Variants in POLR3E observed in about 807,000 individuals in gnomAD.
POLR3E encodes RNA polymerase III subunit E.
POLR3E carries 41 observed loss-of-function variants against 96.6 expected under a neutral mutation model. The ratio of observed to expected loss-of-function variants is 0.42; its 90% CI spans 0.33 to 0.55. POLR3E has a LOEUF of 0.55. Among genes scored for constraint, POLR3E ranks in the 20% least tolerant of loss-of-function variants. POLR3E has a pLI of 0.06. For synonymous variants in POLR3E, 396 were observed against 383.6 expected (o/e 1.03, Z -0.38); for missense variants, 849 against 952.1 (o/e 0.89, Z 1.43).
In POLR3E at chr16:22,308,144, C is replaced by A; in HGVS notation, c.88-4C>A. 1 of 1,612,090 alleles carries A rather than the reference C, an allele frequency of 6.2e-7. No homozygotes were observed. Among genetic ancestry groups the A allele is most frequent in the African/African-American group, 1.3e-5 (1 of 74,946 alleles). The stretch of plus-strand genomic sequence containing the variant: ...GGACTTAATGGCTCCCTTCCCCTCC[C>A]CAGTACCCTGTGCGTCCAGCCTCGA... On this transcript the variant is annotated splice_region_variant and splice_polypyrimidine_tract_variant and intron_variant, in intron 3 of 20. Coordinates refer to ENST00000299853, the MANE Select transcript of POLR3E (RefSeq NM_018119.4).
At chr16:22,315,659 T>A (rs2048339684) in intron 9 of POLR3E, among the ~76,000 whole-genome samples, 1 of 151,788 alleles carries the variant, frequency 6.6e-6, no homozygotes, top group South Asian at 2.1e-4. Flanking sequence ...TATTTACTTT[T>A]ATTTTTATTT....
intron 17 of POLR3E, 126 bp downstream of exon 17, chr16:22,325,392 C>A: frequency 1.3e-6 from 1 of 795,386 alleles, no homozygotes; most frequent in Non-Finnish European, 2.2e-6. Context: ...TCACCCTTCA[C>A]CCTCCTTCCT....
chr16:22,330,782 C>CTTT (rs2048720563), intron 19 of POLR3E, among the ~76,000 whole-genome samples: 1 of 151,860 alleles, frequency 6.6e-6, no homozygotes, highest in South Asian at 2.1e-4. Flanking sequence ...AAGGATACTT[C>CTTT]ATGTAGCAGT....
At chr16:22,308,597 TCTG>T (rs2048181664) in intron 4 of POLR3E, 1 of 437,880 alleles carries the variant, frequency 2.3e-6, no homozygotes, top group Non-Finnish European at 4.1e-6. Context: ...TATTGCCAGT[TCTG>T]CTGGCTTTTC....
In POLR3E at chr16:22,325,881, C is replaced by T. The variant is rs748039763; in HGVS notation, c.1469C>T (p.Ala490Val). 8.1e-6 allele frequency: 13 copies of T among 1,609,206 alleles called. No homozygotes were observed. The highest frequency in any genetic ancestry group is 5.5e-5 in the South Asian group (5 of 90,538). Residue 490 changes from alanine (A) to valine (V), a missense_variant, in exon 18 of 21, where the codon GCG becomes GTG. Coordinates refer to ENST00000299853, the MANE Select transcript of POLR3E (RefSeq NM_018119.4). The part of the protein sequence containing the change: ...QRRKEQLRVP[A>V]VPPGVRIKEE... ...CGGAAGGAGCAGCTGCGGGTGCCTG[C>T]GGTCCCGCCCGGTGTGCGGATCAAG...
chr16:22,308,026 T>C, intron 3 of POLR3E, 122 bp from the exon 4 acceptor site: 1 of 696,468 alleles, frequency 1.4e-6, no homozygotes, highest in South Asian at 1.6e-5. Flanking sequence ...TGTACCCTTG[T>C]GGTAGGGTAA....
intron 1 of POLR3E, among the ~76,000 whole-genome samples, chr16:22,299,496 C>G (rs1483518772): frequency 1.3e-5 from 2 of 150,440 alleles, no homozygotes; most frequent in African/African-American, 4.9e-5. Context: ...TCACTGCAAC[C>G]TCTGCCTTCT....
intron 19 of POLR3E, among the ~76,000 whole-genome samples, chr16:22,330,554 A>T (rs957498228): frequency 6.6e-6 from 1 of 152,064 alleles, no homozygotes; most frequent in African/African-American, 2.4e-5. Context: ...ACCGAGGGTG[A>T]TACTTTGCTT....
chr16:22,309,105 T>A, intron 5 of POLR3E, 65 bp downstream of exon 5: 1 of 1,146,024 alleles, frequency 8.7e-7, no homozygotes, highest in Non-Finnish European at 1.3e-6. Context: ...CAAAAGACCT[T>A]AAAGACATTG....
chr16:22,321,000 A>AT (rs1242047606), intron 13 of POLR3E, among the ~76,000 whole-genome samples: 2 of 151,930 alleles, frequency 1.3e-5, no homozygotes, highest in Non-Finnish European at 1.5e-5. Context: ...TTAAGTGTGA[A>AT]TTTTTTACAT....
intron 13 of POLR3E, among the ~76,000 whole-genome samples, chr16:22,321,062 G>A (rs1363715184): frequency 1.3e-5 from 2 of 152,100 alleles, no homozygotes; most frequent in East Asian, 3.8e-4. Flanking sequence ...CCTTTCAGTG[G>A]TTTCTCTTCG....
intron 13 of POLR3E, among the ~76,000 whole-genome samples, chr16:22,320,425 C>T (rs2048447235): frequency 6.6e-6 from 1 of 152,126 alleles, no homozygotes; most frequent in Admixed American, 6.6e-5. Context: ...CCACGCCCGG[C>T]TAATTTTTGT....
At chr16:22,308,465 C>T (rs982114373) in intron 4 of POLR3E, 2 of 544,878 alleles carry the variant, frequency 3.7e-6, no homozygotes, top group East Asian at 6.3e-5. Context: ...GCTTAGGTTC[C>T]CAGGATAAGA....
chr16:22,329,993 T>C (rs2048701597), intron 19 of POLR3E, among the ~76,000 whole-genome samples: 1 of 151,934 alleles, frequency 6.6e-6, no homozygotes, highest in African/African-American at 2.4e-5. Flanking sequence ...GGGCTTCCCA[T>C]TGTGGTGGAT....
In POLR3E at chr16:22,318,241, C is replaced by T. The variant is rs1040683821; in HGVS notation, c.866-585C>T. Among the ~76,000 whole-genome samples, 3 of 152,120 alleles carry T rather than the reference C, an allele frequency of 2.0e-5. No homozygotes were observed. Among genetic ancestry groups the T allele is most frequent in the African/African-American group, 4.8e-5 (2 of 41,414 alleles). On this transcript the variant is annotated intron_variant, in intron 12 of 20. Coordinates refer to ENST00000299853, the MANE Select transcript of POLR3E (RefSeq NM_018119.4). The surrounding 1 kb of genome is among the most constrained non-coding windows in gnomAD (Gnocchi z 5.0). The stretch of plus-strand genomic sequence containing the variant: ...CTGGAGTAGCTGGGACTACAGGTGC[C>T]CGCCATCACGCCCAGCTAATTTTTG...
chr16:22,316,112 T>C (rs1420561441), intron 9 of POLR3E, among the ~76,000 whole-genome samples: 1 of 152,166 alleles, frequency 6.6e-6, no homozygotes, highest in African/African-American at 2.4e-5. Flanking sequence ...TGGAAGAGAT[T>C]TGTGTTAACA....
In POLR3E at chr16:22,322,837, C is replaced by A; in HGVS notation, c.987-13C>A. On this transcript the variant is annotated splice_polypyrimidine_tract_variant and intron_variant, in intron 13 of 20. Transcript: ENST00000299853. This position sits in a 1 kb window ranked among gnomAD's most constrained non-coding sequence, Gnocchi z 5.2. ...GGCAGGGACTGACCTGCCATCCTCA[C>A]CTGCATTGGCAGTGACATCCTATAC... The A allele has an allele frequency of 1.2e-6, 2 of 1,603,126 alleles. No individual in the cohort carries two copies. Among genetic ancestry groups the A allele is most frequent in the Non-Finnish European group, 1.7e-6 (2 of 1,170,748 alleles).
At chr16:22,332,620 A>G (rs987298567) in intron 20 of POLR3E, among the ~76,000 whole-genome samples, 4 of 152,136 alleles carry the variant, frequency 2.6e-5, no homozygotes, top group Non-Finnish European at 5.9e-5. Context: ...GCGTCTTCTA[A>G]AATGATAGGG....
intron 6 of POLR3E, among the ~76,000 whole-genome samples, chr16:22,312,895 A>AAAC (rs1567315481): frequency 1.3e-5 from 2 of 151,810 alleles, no homozygotes; most frequent in African/African-American, 4.8e-5. Context: ...AAAAAAAAAA[A>AAAC]AACAGTAAAG....
Sources: allele counts gnomAD v4.1 joint callset (sites outside exome capture counted in the v4.1 genomes callset), GRCh38; gene constraint gnomAD v4.1.1; non-coding constraint Gnocchi (gnomAD v3.1); transcripts MANE v1.5; gene names NCBI Gene and HGNC (gene_info 2026-07-23, HGNC 2026-07-21).